Variants in MEMO1 observed in about 807,000 individuals in gnomAD.
The protein encoded by MEMO1 is mediator of cell motility 1.
Under a neutral mutation model 45.2 loss-of-function variants are expected in MEMO1, and 6 were observed. The ratio of observed to expected loss-of-function variants is 0.13; its 90% confidence interval spans 0.07 to 0.26. The LOEUF (loss-of-function observed/expected upper bound fraction) is 0.26. Among genes scored for constraint, MEMO1 ranks in the 10% least tolerant of loss-of-function variants. The pLI, the probability that MEMO1 is intolerant of heterozygous loss-of-function variation, is 1.00. For synonymous variants in MEMO1, 78 were observed against 124.3 expected, an observed-to-expected ratio of 0.63 and a Z score of 2.48; for missense variants, 184 against 370.5, an observed-to-expected ratio of 0.50 and a Z score of 4.13.
chr2:31,894,204 T>C (rs1042014393), intron 6 of MEMO1, among the ~76,000 whole-genome samples: 2 of 152,184 alleles, frequency 1.3e-5, no homozygotes, highest in African/African-American at 4.8e-5. Flanking sequence ...GAGAAGAGCA[T>C]GTTCATGAAA....
At chr2:31,923,687 A>G (rs1682668789) in intron 4 of MEMO1, 1 of 1,548,446 alleles carries the variant, frequency 6.5e-7, no homozygotes, top group Non-Finnish European at 8.7e-7. Context: ...GGAAAATATG[A>G]AAAGACAGAG....
At chr2:31,945,603 T>C (rs1351640268) in intron 2 of MEMO1, among the ~76,000 whole-genome samples, 1 of 152,210 alleles carries the variant, frequency 6.6e-6, no homozygotes, top group Non-Finnish European at 1.5e-5. Flanking sequence ...TGTAAATCTT[T>C]GTAAAACCCT....
At chr2:31,974,926 T>C (rs1669828806) in intron 2 of MEMO1, among the ~76,000 whole-genome samples, 1 of 152,118 alleles carries the variant, frequency 6.6e-6, no homozygotes, top group African/African-American at 2.4e-5. Context: ...ATCCCTGCAC[T>C]TTGAGAGGCC....
chr2:31,930,082 C>A (rs764013961), intron 4 of MEMO1, among the ~76,000 whole-genome samples: 3 of 152,152 alleles, frequency 2.0e-5, no homozygotes, highest in Admixed American at 6.5e-5. Context: ...CAAAGCCAGG[C>A]GAAAGCGTGT....
intron 7 of MEMO1, among the ~76,000 whole-genome samples, chr2:31,885,247 G>A (rs1057509132): frequency 2.0e-5 from 3 of 152,112 alleles, no homozygotes; most frequent in Non-Finnish European, 2.9e-5. Flanking sequence ...AACCTCCCGA[G>A]TAGCTGGGAC....
chr2:31,976,985 T>C (rs916050161), intron 2 of MEMO1, among the ~76,000 whole-genome samples: 1 of 152,058 alleles, frequency 6.6e-6, no homozygotes, highest in African/African-American at 2.4e-5. Context: ...AAAAGACCTA[T>C]CTAGTTGGGT....
At position 31,876,007 on chromosome 2, in the gene MEMO1, C is replaced by T. The variant is rs1674508082; in HGVS notation, c.658-6055G>A. Among the ~76,000 whole-genome samples the T allele has an allele frequency of 3.3e-5, 5 of 152,168 alleles. No homozygotes were observed. The South Asian group carries it at 1.0e-3, about 32-fold the overall frequency. On this transcript the variant is annotated intron_variant, in intron 8 of 9. Transcript: ENST00000404530. ...CAGCCCCATTGTTGCTACCTCTGACCCTCCTGTGTAATCCATTTGCCACAC... is the reference window on the plus strand; with the variant it reads ...CAGCCCCATTGTTGCTACCTCTGACTCTCCTGTGTAATCCATTTGCCACAC...
At chr2:31,893,288 T>C in intron 6 of MEMO1, 1 of 1,162,086 alleles carries the variant, frequency 8.6e-7, no homozygotes, top group Non-Finnish European at 1.1e-6. Context: ...CCAGTCCCTC[T>C]GCAATGCAGG....
chr2:31,953,167 G>T (rs1667023268), intron 2 of MEMO1, among the ~76,000 whole-genome samples: 1 of 151,954 alleles, frequency 6.6e-6, no homozygotes, highest in African/African-American at 2.4e-5. Flanking sequence ...AGGAGTTCAA[G>T]ACCAACCTGG....
intron 4 of MEMO1, among the ~76,000 whole-genome samples, chr2:31,930,763 A>C (rs2148242273): frequency 6.6e-6 from 1 of 151,160 alleles, no homozygotes; most frequent in East Asian, 1.9e-4. Flanking sequence ...CCCCTGCCTC[A>C]GCCTCCCAAG....
chr2:31,985,311 C>T (rs1334200607), intron 2 of MEMO1, among the ~76,000 whole-genome samples: 2 of 152,128 alleles, frequency 1.3e-5, no homozygotes, highest in Admixed American at 6.6e-5. Flanking sequence ...GGATTTTAAT[C>T]TTATTCATTT....
chr2:31,872,005 C>T (rs1673835489), intron 8 of MEMO1, among the ~76,000 whole-genome samples: 1 of 67,738 alleles, frequency 1.5e-5, no homozygotes, highest in Non-Finnish European at 2.9e-5. Flanking sequence ...CAGAGCAAGA[C>T]TCTGTCTCAA....
intron 2 of MEMO1, among the ~76,000 whole-genome samples, chr2:31,978,489 A>G (rs1670267960): frequency 6.6e-6 from 1 of 152,274 alleles, no homozygotes; most frequent in Non-Finnish European, 1.5e-5. Flanking sequence ...CCAGAAACTC[A>G]TGCTGGAGTG....
chr2:31,989,727 T>A (rs1365587801), intron 2 of MEMO1, among the ~76,000 whole-genome samples: 2 of 152,234 alleles, frequency 1.3e-5, no homozygotes, highest in African/African-American at 4.8e-5. Context: ...ATCAACTATA[T>A]CTCAATAAAA....
intron 2 of MEMO1, among the ~76,000 whole-genome samples, chr2:31,986,354 C>G (rs138882593): frequency 1.3e-5 from 2 of 152,036 alleles, no homozygotes; most frequent in Non-Finnish European, 2.9e-5. Flanking sequence ...GGCTTGTAGT[C>G]CCAGCCAGTC....
At chr2:31,948,697 G>A (rs1666459961) in intron 2 of MEMO1, among the ~76,000 whole-genome samples, 1 of 152,188 alleles carries the variant, frequency 6.6e-6, no homozygotes, top group South Asian at 2.1e-4. Context: ...TCAGCAGATT[G>A]AGATCAGCTT....
intron 2 of MEMO1, among the ~76,000 whole-genome samples, chr2:31,959,614 A>T (rs1446007409): frequency 6.6e-6 from 1 of 152,188 alleles, no homozygotes; most frequent in Non-Finnish European, 1.5e-5. Flanking sequence ...AGTTACAGAC[A>T]AGATGAGGTA....
At chr2:31,934,123 G>T (rs191984704) in intron 3 of MEMO1, among the ~76,000 whole-genome samples, 58 of 152,192 alleles carry the variant, frequency 3.8e-4, no homozygotes, top group African/African-American at 1.3e-3. Flanking sequence ...AAACCTTAGC[G>T]ACATCTCAGA....
intron 4 of MEMO1, among the ~76,000 whole-genome samples, chr2:31,929,909 C>T (rs1683692809): frequency 2.0e-5 from 3 of 152,174 alleles, no homozygotes; most frequent in Admixed American, 2.0e-4. Flanking sequence ...TAATTTTACA[C>T]TTAGACCTTA....
Sources: gnomAD v4.1 joint callset for allele counts (sites outside exome capture counted in the v4.1 genomes callset) on GRCh38, gnomAD v4.1.1 for gene constraint, MANE v1.5 for transcripts, NCBI Gene and HGNC (gene_info 2026-07-23, HGNC 2026-07-21) for gene names.